Variants in SRPK2 observed in about 807,000 individuals in gnomAD.
SRPK2 encodes SRSF protein kinase 2.
In SRPK2, 21 loss-of-function variants were observed where a neutral mutation model predicts 90.8. The ratio of observed to expected loss-of-function variants is 0.23; its 90% confidence interval spans 0.16 to 0.33. The LOEUF (loss-of-function observed/expected upper bound fraction) is 0.33, where lower values mean the gene tolerates loss of function less well. SRPK2 is among the 10% of genes least tolerant of loss of function. The pLI is 1.00. For missense variants in SRPK2, 620 were observed against 869.0 expected, an observed-to-expected ratio of 0.71 and a Z score of 3.60; for synonymous variants, 288 against 311.1, an observed-to-expected ratio of 0.93 and a Z score of 0.78.
chr7:105,130,571 C>A (rs1224249686), intron 13 of SRPK2, among the ~76,000 whole-genome samples: 1 of 151,868 alleles, frequency 6.6e-6, no homozygotes, highest in African/African-American at 2.4e-5. Flanking sequence ...ACAAAACCCT[C>A]AAAGACTATA....
chr7:105,331,252 T>C (rs1343611912), intron 2 of SRPK2, among the ~76,000 whole-genome samples: 1 of 124,486 alleles, frequency 8.0e-6, no homozygotes, highest in Non-Finnish European at 1.6e-5. Context: ...GAGGTTGCAG[T>C]GAGCCAAGAT....
intron 2 of SRPK2, among the ~76,000 whole-genome samples, chr7:105,316,942 T>C (rs771661678): frequency 6.6e-6 from 1 of 152,204 alleles, no homozygotes; most frequent in African/African-American, 2.4e-5. Context: ...TGAGACTGAA[T>C]AGGAATGTCA....
intron 2 of SRPK2, among the ~76,000 whole-genome samples, chr7:105,344,890 A>C (rs1317985549): frequency 1.3e-5 from 2 of 150,930 alleles, no homozygotes; most frequent in African/African-American, 2.4e-5. Flanking sequence ...TAATCCCAAC[A>C]CTTTGGAGGC....
At chr7:105,321,029 T>C (rs1216780761) in intron 2 of SRPK2, among the ~76,000 whole-genome samples, 1 of 152,150 alleles carries the variant, frequency 6.6e-6, no homozygotes, top group East Asian at 1.9e-4. Context: ...GACAAGGTCT[T>C]GCTATGTTGT....
chr7:105,120,627 A>G (rs1033952511), intron 15 of SRPK2, among the ~76,000 whole-genome samples: 1 of 152,138 alleles, frequency 6.6e-6, no homozygotes, highest in Non-Finnish European at 1.5e-5. Context: ...GCAGCACTGC[A>G]ATATAACAAA....
chr7:105,145,136 A>G, intron 9 of SRPK2, 147 bp downstream of exon 9: 1 of 453,906 alleles, frequency 2.2e-6, no homozygotes, highest in Non-Finnish European at 3.7e-6. Flanking sequence ...AATTAACAAG[A>G]CATTAAGTCT....
intron 2 of SRPK2, among the ~76,000 whole-genome samples, chr7:105,241,623 G>A (rs1276629144): frequency 2.6e-5 from 4 of 152,102 alleles, no homozygotes; most frequent in Admixed American, 2.6e-4. Context: ...TGGCTCCAAA[G>A]CCCATATATT....
At chr7:105,317,074 C>T (rs925187267) in intron 2 of SRPK2, among the ~76,000 whole-genome samples, 14 of 152,212 alleles carry the variant, frequency 9.2e-5, no homozygotes, top group African/African-American at 3.4e-4. Context: ...TTTATACCTT[C>T]CAGCAGTTCT....
chr7:105,260,784 C>A (rs1429747715), intron 2 of SRPK2, among the ~76,000 whole-genome samples: 1 of 148,658 alleles, frequency 6.7e-6, no homozygotes, highest in Non-Finnish European at 1.5e-5. Flanking sequence ...ATCACAAGGA[C>A]AGAAAACCAA....
chr7:105,347,306 C>T (rs879694486), intron 2 of SRPK2, among the ~76,000 whole-genome samples: 11 of 152,056 alleles, frequency 7.2e-5, no homozygotes, highest in Non-Finnish European at 1.0e-4. Flanking sequence ...AAGCAATCCT[C>T]CGGCTTCAGT....
chr7:105,325,308 T>C (rs1478616484), intron 2 of SRPK2, among the ~76,000 whole-genome samples: 3 of 152,090 alleles, frequency 2.0e-5, no homozygotes, highest in Non-Finnish European at 4.4e-5. Context: ...TTTAACAAGG[T>C]GTCACAAGCG....
At chr7:105,379,071 CATTTGAGGCCAGGA>C (rs570118216) in intron 2 of SRPK2, among the ~76,000 whole-genome samples, 1 of 151,860 alleles carries the variant, frequency 6.6e-6, no homozygotes, top group African/African-American at 2.4e-5. Flanking sequence ...GCAGGAGGAT[CATTTGAGGCCAGGA>C]ATTTGAGGTG....
At chr7:105,135,167 T>G (rs1355768589) in intron 11 of SRPK2, among the ~76,000 whole-genome samples, 1 of 152,188 alleles carries the variant, frequency 6.6e-6, no homozygotes, top group African/African-American at 2.4e-5. Context: ...AAAATGGAAT[T>G]TGAGGTTTGA....
chr7:105,372,281 T>C (rs1253382217), intron 2 of SRPK2, among the ~76,000 whole-genome samples: 1 of 152,158 alleles, frequency 6.6e-6, no homozygotes, highest in Admixed American at 6.6e-5. Context: ...GGAAAAGCAG[T>C]ATTTCTAAAT....
At chr7:105,220,374 AAAATT>A (rs1391610793) in intron 2 of SRPK2, among the ~76,000 whole-genome samples, 1 of 152,076 alleles carries the variant, frequency 6.6e-6, no homozygotes, top group East Asian at 1.9e-4. Context: ...TAAAAATACA[AAAATT>A]AGCTGGGCGT....
chr7:105,208,033 A>G (rs1796416120), intron 2 of SRPK2, among the ~76,000 whole-genome samples: 1 of 152,224 alleles, frequency 6.6e-6, no homozygotes, highest in Admixed American at 6.5e-5. Context: ...TGACCAATAA[A>G]TATATGAAAA....
chr7:105,287,259 T>TAAA (rs71520909), intron 2 of SRPK2, among the ~76,000 whole-genome samples: 21 of 58,732 alleles, frequency 3.6e-4, no homozygotes, highest in African/African-American at 1.1e-3. Context: ...AGACTCCGTC[T>TAAA]AAAAAAAAAA....
intron 1 of SRPK2, among the ~76,000 whole-genome samples, chr7:105,397,497 T>A (rs770814159): frequency 5.4e-4 from 81 of 151,206 alleles, no homozygotes; most frequent in Non-Finnish European, 4.7e-4. Flanking sequence ...GCCCGGGTAA[T>A]TTTTGTATAT....
upstream of SRPK2, among the ~76,000 whole-genome samples, chr7:105,390,713 A>G (rs1822155095): frequency 6.8e-6 from 1 of 147,444 alleles, no homozygotes; most frequent in South Asian, 2.1e-4. Flanking sequence ...TCAACCTCCC[A>G]AAGTGCTAGG....
Sources: allele counts gnomAD v4.1 joint callset (sites outside exome capture counted in the v4.1 genomes callset), GRCh38; gene constraint gnomAD v4.1.1; transcripts MANE v1.5; gene names NCBI Gene and HGNC (gene_info 2026-07-23, HGNC 2026-07-21).